Variants in SPOCK3 observed in about 807,000 individuals in gnomAD.
SPOCK3 encodes testican-3.
Under a neutral mutation model 56.6 loss-of-function variants are expected in SPOCK3, and 30 were observed. That is an observed-to-expected ratio of 0.53 (90% CI 0.40 to 0.72). SPOCK3 has a LOEUF of 0.72. Ranked by LOEUF, SPOCK3 falls within the 30% of genes least tolerant of loss-of-function variation. The probability of loss-of-function intolerance (pLI) is 0.00; values close to 1 mark genes in which losing one functional copy is unlikely to be tolerated. For synonymous variants in SPOCK3, 196 were observed against 183.3 expected (o/e 1.07, Z -0.56); for missense variants, 527 against 530.0 (o/e 0.99, Z 0.06).
chr4:167,041,153 C>A (rs992923429), intron 3 of SPOCK3, among the ~76,000 whole-genome samples: 1 of 152,086 alleles, frequency 6.6e-6, no homozygotes, highest in African/African-American at 2.4e-5. Context: ...GGATCATGGG[C>A]AAATTATTTT....
chr4:166,873,409 A>G (rs1732707651), intron 6 of SPOCK3, among the ~76,000 whole-genome samples: 1 of 152,114 alleles, frequency 6.6e-6, no homozygotes, highest in Non-Finnish European at 1.5e-5. Context: ...TTTGGGTGAT[A>G]ATGATATATC....
At chr4:166,755,378 A>G (rs542256875) in intron 7 of SPOCK3, among the ~76,000 whole-genome samples, 24 of 152,240 alleles carry the variant, frequency 1.6e-4, no homozygotes, top group African/African-American at 5.3e-4. Context: ...GTATAGAGAG[A>G]TGACGGAACT....
At chr4:166,905,324 T>C (rs1430494668) in intron 5 of SPOCK3, among the ~76,000 whole-genome samples, 1 of 151,976 alleles carries the variant, frequency 6.6e-6, no homozygotes, top group Non-Finnish European at 1.5e-5. Flanking sequence ...AAATACAAAC[T>C]AGATGGACTG....
chr4:167,182,468 G>T (rs1487674732), intron 2 of SPOCK3, among the ~76,000 whole-genome samples: 8 of 148,868 alleles, frequency 5.4e-5, no homozygotes, highest in African/African-American at 2.0e-4. Context: ...TTTGGAAGAA[G>T]TCAGAAGTCA....
chr4:166,776,768 T>C (rs1258294038), intron 7 of SPOCK3, among the ~76,000 whole-genome samples: 1 of 152,144 alleles, frequency 6.6e-6, no homozygotes, highest in Non-Finnish European at 1.5e-5. Flanking sequence ...ATTCTTTAAT[T>C]GTAAAAAGAA....
At chr4:167,110,416 G>A (rs908751633) in intron 2 of SPOCK3, among the ~76,000 whole-genome samples, 22 of 151,960 alleles carry the variant, frequency 1.4e-4, no homozygotes, top group South Asian at 4.1e-4. Context: ...ATGTCTTTAC[G>A]TTTTTTAAGA....
intron 6 of SPOCK3, among the ~76,000 whole-genome samples, chr4:166,840,965 C>T (rs2124453): frequency 7.3e-5 from 11 of 151,166 alleles, no homozygotes; most frequent in Admixed American, 5.3e-4. Flanking sequence ...TTTTTCGTAG[C>T]GACGGGGTTT....
At chr4:167,023,664 G>C (rs542362013) in intron 3 of SPOCK3, among the ~76,000 whole-genome samples, 1 of 151,858 alleles carries the variant, frequency 6.6e-6, no homozygotes, top group Non-Finnish European at 1.5e-5. Context: ...AAAGAGCACT[G>C]GTGGTTTGTA....
chr4:167,070,381 T>C lies in SPOCK3; in HGVS notation c.190-7844A>G, dbSNP rs910254257. Among the ~76,000 whole-genome samples, 5 of 151,942 alleles carry C rather than the reference T, an allele frequency of 3.3e-5. 1 individual carries two copies. Among genetic ancestry groups the C allele is most frequent in the Non-Finnish European group, 5.9e-5 (4 of 67,916 alleles). On this transcript the variant is annotated intron_variant, in intron 2 of 10. Transcript: ENST00000357545. ...CAAAGCAAAGTTTAATATGCTATTG[T>C]TCCACTTATTGACAAATACTTTGTT...
intron 4 of SPOCK3, among the ~76,000 whole-genome samples, chr4:166,914,149 T>A (rs778096208): frequency 1.3e-5 from 2 of 152,082 alleles, no homozygotes; most frequent in Non-Finnish European, 2.9e-5. Flanking sequence ...AATTATTTGC[T>A]CTTCAGATAC....
chr4:167,023,604 G>A (rs7664643), intron 3 of SPOCK3, among the ~76,000 whole-genome samples: 41,028 of 151,776 alleles, frequency 0.27, 6,429 homozygotes, highest in African/African-American at 0.43. Flanking sequence ...TTTAACAGCC[G>A]TAGTTCTTTG....
At chr4:166,938,505 A>G (rs1268210030) in intron 4 of SPOCK3, among the ~76,000 whole-genome samples, 1 of 152,184 alleles carries the variant, frequency 6.6e-6, no homozygotes. Flanking sequence ...CAAACTTATA[A>G]CAAACTCAGA....
chr4:166,907,044 T>C (rs1736701943), intron 5 of SPOCK3, among the ~76,000 whole-genome samples: 1 of 152,064 alleles, frequency 6.6e-6, no homozygotes, highest in South Asian at 2.1e-4. Context: ...GTTTGATTTA[T>C]ATATATACAC....
At chr4:167,183,864 A>C (rs992313323) in intron 2 of SPOCK3, among the ~76,000 whole-genome samples, 1 of 152,190 alleles carries the variant, frequency 6.6e-6, no homozygotes, top group Non-Finnish European at 1.5e-5. Flanking sequence ...CTCAGGGCCC[A>C]TTAAAGGAAG....
chr4:166,866,260 C>T (rs1229482702), intron 6 of SPOCK3, among the ~76,000 whole-genome samples: 1 of 152,130 alleles, frequency 6.6e-6, no homozygotes, highest in Non-Finnish European at 1.5e-5. Context: ...CTCTTCCTCA[C>T]ACCTTATACA....
At chr4:166,856,804 C>CTATCTAGATATCTAGA (rs75264800) in intron 6 of SPOCK3, among the ~76,000 whole-genome samples, 3,985 of 150,138 alleles carry the variant, frequency 0.027, 58 homozygotes, top group Middle Eastern at 0.044. Flanking sequence ...ATCTATCTAT[C>CTATCTAGATATCTAGA]TATCTAGATA....
At position 167,140,362 on chromosome 4, in the gene SPOCK3, T is replaced by C. The variant is rs150835472; in HGVS notation, c.190-77825A>G. On this transcript the variant is annotated intron_variant, in intron 2 of 10. Coordinates refer to ENST00000357545, the MANE Select transcript of SPOCK3 (RefSeq NM_001040159.2). ...TTATACATATTTATCTTAATAGACA[T>C]AGCTTATACCTAAACAGTGTTATGA... Among the ~76,000 whole-genome samples, 50 of 152,176 alleles carry C rather than the reference T, an allele frequency of 3.3e-4. No individual in the cohort carries two copies. The East Asian group carries it at 9.5e-3, about 29-fold the overall frequency.
chr4:166,922,230 A>T (rs1199030096), intron 4 of SPOCK3, among the ~76,000 whole-genome samples: 1 of 152,162 alleles, frequency 6.6e-6, no homozygotes, highest in Non-Finnish European at 1.5e-5. Context: ...CTGCCCTACA[A>T]GATATTCAGG....
intron 3 of SPOCK3, among the ~76,000 whole-genome samples, chr4:167,023,237 A>T (rs919813421): frequency 1.3e-5 from 2 of 151,902 alleles, no homozygotes; most frequent in African/African-American, 2.4e-5. Context: ...TGCATCTTGG[A>T]ATCCAAAATG....
Sources: gnomAD v4.1 joint callset for allele counts (sites outside exome capture counted in the v4.1 genomes callset) on GRCh38, gnomAD v4.1.1 for gene constraint, MANE v1.5 for transcripts, NCBI Gene and HGNC (gene_info 2026-07-23, HGNC 2026-07-21) for gene names.